Variants in WDR44 observed in about 807,000 individuals in gnomAD.
The protein encoded by WDR44 is WD repeat-containing protein 44.
A neutral mutation model predicts 65.7 loss-of-function variants in WDR44; 9 were observed. The observed-to-expected ratio is 0.14, with a 90% confidence interval of 0.08 to 0.24. WDR44 has a LOEUF of 0.24. Ranked by LOEUF, WDR44 falls within the 10% of genes least tolerant of loss-of-function variation. The pLI is 1.00. For missense variants in WDR44, 425 were observed against 670.9 expected, an observed-to-expected ratio of 0.63 and a Z score of 4.05; for synonymous variants, 220 against 235.2, an observed-to-expected ratio of 0.94 and a Z score of 0.59.
At chrX:118,439,735 T>G (rs1197499432) in intron 14 of WDR44, among the ~76,000 whole-genome samples, 1 of 110,298 alleles carries the variant, frequency 9.1e-6, no homozygotes, top group Non-Finnish European at 1.9e-5. Flanking sequence ...TTTGACAGGT[T>G]TCAGAGATGG....
intron 1 of WDR44, among the ~76,000 whole-genome samples, chrX:118,370,871 C>T (rs760025254): frequency 9.1e-6 from 1 of 109,602 alleles, no homozygotes; most frequent in African/African-American, 3.3e-5. Context: ...CATGAGCCAC[C>T]GTGCCCAGCC....
chrX:118,368,481 ACT>A (rs2056574982), intron 1 of WDR44, among the ~76,000 whole-genome samples: 7 of 95,267 alleles, frequency 7.3e-5, no homozygotes, highest in African/African-American at 2.6e-4. Context: ...ATATATATAT[ACT>A]TCTTGAGGAC....
At chrX:118,385,434 A>G (rs575329234) in intron 2 of WDR44, among the ~76,000 whole-genome samples, 3 of 111,752 alleles carry the variant, frequency 2.7e-5, no homozygotes, top group African/African-American at 9.7e-5. Context: ...GTTCTCACTT[A>G]TAGGTGGGAG....
chrX:118,363,263 G>T (rs1013291811), intron 1 of WDR44, among the ~76,000 whole-genome samples: 1 of 107,421 alleles, frequency 9.3e-6, no homozygotes, highest in Admixed American at 1.0e-4. Flanking sequence ...TTAGCCGGGC[G>T]TGGTGGCAGG....
chrX:118,357,931 T>G (rs28386900), intron 1 of WDR44, among the ~76,000 whole-genome samples: 2 of 110,981 alleles, frequency 1.8e-5, no homozygotes, highest in East Asian at 5.7e-4. Flanking sequence ...CCCAGCACTT[T>G]GGGAGGCCGA....
chrX:118,433,837 A>T (rs2057231056), intron 13 of WDR44, among the ~76,000 whole-genome samples: 1 of 112,196 alleles, frequency 8.9e-6, no homozygotes, highest in Non-Finnish European at 1.9e-5. Flanking sequence ...GCCAAGTAGC[A>T]TTTTAGCCAC....
At chrX:118,413,127 A>T (rs2057025526) in intron 12 of WDR44, among the ~76,000 whole-genome samples, 1 of 112,268 alleles carries the variant, frequency 8.9e-6, no homozygotes, top group Non-Finnish European at 1.9e-5. Context: ...ACGTTTTTGC[A>T]ATTCCAAATT....
intron 1 of WDR44, among the ~76,000 whole-genome samples, chrX:118,353,543 A>G (rs1475827271): frequency 8.9e-6 from 1 of 112,089 alleles, no homozygotes; most frequent in Non-Finnish European, 1.9e-5. Flanking sequence ...TAAGTCCACA[A>G]AACCTTTTTG....
intron 1 of WDR44, among the ~76,000 whole-genome samples, chrX:118,347,359 A>C (rs1323976366): frequency 2.7e-5 from 3 of 111,781 alleles, no homozygotes; most frequent in Admixed American, 9.5e-5. Flanking sequence ...AAGATGTTTT[A>C]GTGGTGATTA....
intron 9 of WDR44, 78 bp from the exon 10 acceptor site, chrX:118,406,797 G>T: frequency 1.0e-6 from 1 of 984,934 alleles, no homozygotes; most frequent in Non-Finnish European, 1.4e-6. Context: ...AATTTTCTTG[G>T]TATGCAGGAA....
intron 6 of WDR44, among the ~76,000 whole-genome samples, chrX:118,395,798 A>G (rs1379430350): frequency 1.8e-5 from 2 of 111,454 alleles, no homozygotes; most frequent in Non-Finnish European, 3.8e-5. Flanking sequence ...CAAGGTGGGC[A>G]GGTCACTTGA....
intron 1 of WDR44, among the ~76,000 whole-genome samples, chrX:118,369,629 T>C (rs62611073): frequency 0.24 from 25,082 of 105,117 alleles, 2,405 homozygotes; most frequent in Admixed American, 0.31. Flanking sequence ...CCACCACGCC[T>C]GACTAATTTT....
chrX:118,410,927 C>T lies in WDR44; in HGVS notation c.1705C>T (p.Leu569=). Residue 569 remains leucine, a synonymous_variant, in exon 12 of 20, where the codon CTA becomes TTA. Coordinates refer to ENST00000254029, the MANE Select transcript of WDR44 (RefSeq NM_019045.5). ...GTCCCCATCACCCTCTCAGGAAAGT[C>T]TAAGTTCATCAAAATCGGATACAGA... is the stretch of plus-strand genomic sequence containing the variant. ...RVSPSPSQES[L]SSSKSDTDTG... 8.3e-7 allele frequency: 1 copy of T among 1,200,928 alleles called. No homozygotes were observed. The highest frequency in any genetic ancestry group is 1.1e-6 in the Non-Finnish European group (1 of 891,731).
Position 118,424,262 on chromosome X carries a change from A to T in WDR44, c.1738-8519A>T, listed in dbSNP as rs984420136. ...ATCCACATCTTCACTAATACTTGTT[A>T]TCTTATATATATATATATATGTGTG... On this transcript the variant is annotated intron_variant, in intron 12 of 19. Transcript: ENST00000254029. Among the ~76,000 whole-genome samples, 44 of 80,775 alleles carry T rather than the reference A, an allele frequency of 5.4e-4. 1 individual carries two copies. Among genetic ancestry groups the T allele is most frequent in the African/African-American group, 2.6e-3 (43 of 16,742 alleles). 70.1% of individuals were successfully genotyped at this position (80,775 alleles called of 115,157 possible).
intron 13 of WDR44, among the ~76,000 whole-genome samples, chrX:118,436,174 A>G (rs1261017457): frequency 8.9e-6 from 1 of 112,177 alleles, no homozygotes; most frequent in Non-Finnish European, 1.9e-5. Context: ...AGATTTGACA[A>G]TTTCTATTCT....
At chrX:118,398,136 C>T (rs932664471) in intron 7 of WDR44, among the ~76,000 whole-genome samples, 2 of 111,811 alleles carry the variant, frequency 1.8e-5, no homozygotes, top group African/African-American at 6.5e-5. Flanking sequence ...ACTCAGGAGG[C>T]TGAGGCAGGA....
rs1430796503 is a variant in WDR44, at chrX:118,424,321, G to GTATATA, written c.1738-8459_1738-8458insATATAT. Among the ~76,000 whole-genome samples, 83 of 63,439 alleles carry GTATATA rather than the reference G, an allele frequency of 1.3e-3. 1 individual carries two copies. The highest frequency in any genetic ancestry group is 0.011 in the African/African-American group (70 of 6,597). 55.1% of individuals were successfully genotyped at this position (63,439 alleles called of 115,157 possible). On this transcript the variant is annotated intron_variant, in intron 12 of 19. Transcript: ENST00000254029. ...TGTGTATATATATATATGTGTGTGT[G>GTATATA]TGTATATATATATATATATATATAT... is the stretch of plus-strand genomic sequence containing the variant.
At chrX:118,394,777 G>A (rs761665664) in intron 5 of WDR44, among the ~76,000 whole-genome samples, 6 of 110,986 alleles carry the variant, frequency 5.4e-5, no homozygotes, top group Admixed American at 9.6e-5. Context: ...GTCAGTAGTG[G>A]CCTGCTTTAG....
chrX:118,386,531 C>G, intron 2 of WDR44: 1 of 330,078 alleles, frequency 3.0e-6, no homozygotes, highest in South Asian at 3.0e-5. Flanking sequence ...CTGGTTAAGT[C>G]TTGATTTCTT....
Sources: allele counts gnomAD v4.1 joint callset (sites outside exome capture counted in the v4.1 genomes callset), GRCh38; gene constraint gnomAD v4.1.1; transcripts MANE v1.5; gene names NCBI Gene and HGNC (gene_info 2026-07-23, HGNC 2026-07-21).